TPPP: variants seen among roughly 807,000 people sequenced by gnomAD.
The protein encoded by TPPP is tubulin polymerization promoting protein.
Under a neutral mutation model 15.5 loss-of-function variants are expected in TPPP, and 6 were observed. That is an observed-to-expected ratio of 0.39 (90% CI 0.21 to 0.77). The LOEUF (loss-of-function observed/expected upper bound fraction) is 0.77, where lower values mean the gene tolerates loss of function less well. Among genes scored for constraint, TPPP ranks in the 30% least tolerant of loss-of-function variants. The pLI, the probability that TPPP is intolerant of heterozygous loss-of-function variation, is 0.42. For synonymous variants in TPPP, 146 were observed against 133.9 expected (o/e 1.09, Z -0.63); for missense variants, 269 against 307.2 (o/e 0.88, Z 0.93).
At position 661,753 on chromosome 5, in the gene TPPP, C is replaced by T. The variant is rs1443023443; in HGVS notation, c.*3349G>A. On this transcript the variant is annotated 3_prime_UTR_variant, in exon 4 of 4. Coordinates refer to ENST00000360578, the MANE Select transcript of TPPP (RefSeq NM_007030.3). ...GACAAGTTGTAACTGACAGTGGTGA[C>T]CACTATGTCCTCGTGACTTTATTTT... The T allele has an allele frequency of 6.6e-6, 1 of 152,412 alleles. No homozygotes were observed. The highest frequency in any genetic ancestry group is 1.5e-5 in the Non-Finnish European group (1 of 68,070). 9.4% of individuals were successfully genotyped at this position (152,412 alleles called of 1,614,324 possible). A position where few individuals can be genotyped will look rare whatever the true frequency, so the allele number is the denominator to read the frequency against.
chr5:700,146 G>C, the TPPP span, among the ~76,000 whole-genome samples: 4 of 151,986 alleles, frequency 2.6e-5, no homozygotes, highest in African/African-American at 9.7e-5. Context: ...TGCACTTTAT[G>C]TTTATCACAA....
rs1739690328 is a variant in TPPP at position 662,786 on chromosome 5, AC to A, written c.*2315del. The A allele has an allele frequency of 6.6e-6, 1 of 152,434 alleles. No homozygotes were observed. Among genetic ancestry groups the A allele is most frequent in the Non-Finnish European group, 1.5e-5 (1 of 68,122 alleles). The allele number at this position is 152,434 out of a possible 1,614,324, so 9.4% of individuals were successfully genotyped here. A position where few individuals can be genotyped will look rare whatever the true frequency, so the allele number is the denominator to read the frequency against. ...ACCTGGGGAGCCACCCTGTTTGGTG[AC>A]CACTCGTCCTCGGCCTTTTCAACAC... is the stretch of plus-strand genomic sequence containing the variant. On this transcript the variant is annotated 3_prime_UTR_variant, in exon 4 of 4. Coordinates refer to ENST00000360578, the MANE Select transcript of TPPP (RefSeq NM_007030.3).
chr5:677,008 GCAGAAACGCGCACACGTGCACACA>G (rs1239665027), intron 2 of TPPP, among the ~76,000 whole-genome samples: 2 of 138,724 alleles, frequency 1.4e-5, no homozygotes, highest in Non-Finnish European at 3.2e-5. Flanking sequence ...ACGTGCACAC[GCAGAAACGCGCACACGTGCACACA>G]CGACGCGGAA....
intron 1 of TPPP, among the ~76,000 whole-genome samples, chr5:679,321 T>C (rs1740552534): frequency 1.3e-5 from 2 of 150,140 alleles, no homozygotes; most frequent in South Asian, 4.2e-4. Context: ...CCCCTTTCCC[T>C]GGAAGGCACC....
rs1378536714 is a variant in TPPP, at chr5:665,650, C to A, written c.465+320G>T. Among the ~76,000 whole-genome samples the A allele has an allele frequency of 5.6e-5, 7 of 125,806 alleles. No individual in the cohort carries two copies. The East Asian group carries it at 1.1e-3, about 20-fold the overall frequency. The allele number at this position is 125,806 out of a possible 152,430, so 82.5% of individuals were successfully genotyped here. ...CCCTTCAGACCAAGCCTCCCCAGGA[C>A]CCCCCCAGGCCACGCCGACCTGGCC... On this transcript the variant is annotated intron_variant, in intron 3 of 3. Transcript: ENST00000360578.
At chr5:694,048 TGA>T (rs1253030316), upstream of TPPP, among the ~76,000 whole-genome samples, 70,238 of 116,166 alleles carry the variant, frequency 0.6, 18,632 homozygotes, top group Non-Finnish European at 0.68. Flanking sequence ...CGCGCACCCC[TGA>T]CCCCGGCCTC....
At position 666,402 on chromosome 5, in the gene TPPP, T is replaced by C. The variant is rs1032652649; in HGVS notation, c.312-279A>G. Among the ~76,000 whole-genome samples the C allele has an allele frequency of 3.9e-5, 6 of 152,318 alleles. No homozygotes were observed. The East Asian group carries it at 5.8e-4, about 15-fold the overall frequency. On this transcript the variant is annotated intron_variant, in intron 2 of 3. Coordinates refer to ENST00000360578, the MANE Select transcript of TPPP (RefSeq NM_007030.3). ...CTGCTGGGGCAGTGCCGGAGGCCAT[T>C]AGGCAGCGGAGCCCACCTCCTCCTC...
intron 1 of TPPP, among the ~76,000 whole-genome samples, chr5:693,000 C>A (rs1436032349): frequency 1.4e-4 from 21 of 151,296 alleles, no homozygotes; most frequent in South Asian, 6.3e-4. Flanking sequence ...GGCCCGGAGA[C>A]GGTGACAGAC....
intron 2 of TPPP, among the ~76,000 whole-genome samples, chr5:673,232 C>T (rs985486323): frequency 8.5e-5 from 13 of 152,322 alleles, no homozygotes; most frequent in Admixed American, 2.6e-4. Context: ...GTGTCCCCAA[C>T]GCCTCGTGGT....
intron 2 of TPPP, among the ~76,000 whole-genome samples, chr5:675,516 A>G (rs916669205): frequency 0.019 from 538 of 28,258 alleles, 22 homozygotes; most frequent in African/African-American, 0.095. Context: ...CAGTGTGACC[A>G]GGGGTGCAGT....
intron 2 of TPPP, among the ~76,000 whole-genome samples, chr5:676,914 C>T (rs1339240971): frequency 1.4e-5 from 2 of 147,144 alleles, no homozygotes; most frequent in Non-Finnish European, 3.0e-5. Context: ...CGCGCATACA[C>T]GACGCAGAAA....
At position 692,799 on chromosome 5, in the gene TPPP, ATC is replaced by A. The variant is rs1333348784; in HGVS notation, c.-5+477_-5+478del. The A allele has an allele frequency of 8.0e-5, 76 of 951,146 alleles. 11 individuals are homozygous for A. Among genetic ancestry groups the A allele is most frequent in the African/African-American group, 1.2e-4 (7 of 56,818 alleles). The allele number at this position is 951,146 out of a possible 1,614,324, so 58.9% of individuals were successfully genotyped here. A position where few individuals can be genotyped will look rare whatever the true frequency, so the allele number is the denominator to read the frequency against. On this transcript the variant is annotated intron_variant, in intron 1 of 3. Coordinates refer to ENST00000360578, the MANE Select transcript of TPPP (RefSeq NM_007030.3). The stretch of plus-strand genomic sequence containing the variant: ...AGATGGGCCGTTTCTGTGGCCAGGG[ATC>A]TCTCAAAACCTGCTGCGGGCAGTGA...
At chr5:685,294 C>T (rs540426983) in intron 1 of TPPP, among the ~76,000 whole-genome samples, 110 of 152,340 alleles carry the variant, frequency 7.2e-4, no homozygotes, top group African/African-American at 2.5e-3. Flanking sequence ...CAGAGCCAAG[C>T]CCAGGCTGAG....
Position 682,793 on chromosome 5 carries a change from T to A in TPPP, c.-4-4729A>T, listed in dbSNP as rs688334. ...ACAGAGCCTACACGACTGCTCTCCA[T>A]GTGGATGGCTGTGGGGTGGCTGAGC... On this transcript the variant is annotated intron_variant, in intron 1 of 3. Coordinates refer to ENST00000360578, the MANE Select transcript of TPPP (RefSeq NM_007030.3). Among the ~76,000 whole-genome samples, 747 of 151,354 alleles carry A rather than the reference T, an allele frequency of 4.9e-3. 4 individuals carry two copies. The highest frequency in any genetic ancestry group is 0.034 in the Middle Eastern group (10 of 290).
At position 666,068 on chromosome 5, in the gene TPPP, G is replaced by A; in HGVS notation, c.367C>T (p.Leu123Phe). 6.2e-7 allele frequency: 1 copy of A among 1,612,378 alleles called. No individual in the cohort carries two copies. Among genetic ancestry groups the A allele is most frequent in the Non-Finnish European group, 8.5e-7 (1 of 1,179,814 alleles). The change falls in exon 3 of 4, where the codon CTC becomes TTC. Residue 123 changes from leucine (L) to phenylalanine (F), a missense_variant. Leu to Phe is a conservative substitution (Grantham distance 22, BLOSUM62 0). Transcript: ENST00000360578. Reference sequence around the variant, plus strand: ...TTGTCTTTGAATCGCTTCTTGGCGAGCTCCTCCAGCGCCTCCTGGAACTGC... The same window carrying A: ...TTGTCTTTGAATCGCTTCTTGGCGAACTCCTCCAGCGCCTCCTGGAACTGC... ...FEQFQEALEE[L>F]AKKRFKDKSS...
intron 1 of TPPP, among the ~76,000 whole-genome samples, chr5:682,030 C>T (rs189464044): frequency 0.019 from 2,845 of 151,446 alleles, 57 homozygotes; most frequent in African/African-American, 0.066. Context: ...CACGGAAAAT[C>T]ACCTGGGCCC....
At chr5:679,649 TGGGTGTGC>T (rs1740567587) in intron 1 of TPPP, among the ~76,000 whole-genome samples, 1 of 146,050 alleles carries the variant, frequency 6.8e-6, no homozygotes, top group Non-Finnish European at 1.5e-5. Flanking sequence ...AGAACAGTGG[TGGGTGTGC>T]GGGTCAGAGA....
At chr5:693,965 C>T (rs1740969305), upstream of TPPP, among the ~76,000 whole-genome samples, 1 of 147,250 alleles carries the variant, frequency 6.8e-6, no homozygotes, top group African/African-American at 2.5e-5. Flanking sequence ...AGCAGGGAGA[C>T]GGGTCCGTGC....
At chr5:684,429 G>C (rs1009591381) in intron 1 of TPPP, among the ~76,000 whole-genome samples, 2 of 152,196 alleles carry the variant, frequency 1.3e-5, no homozygotes, top group African/African-American at 4.8e-5. Context: ...ATTCAGCCTG[G>C]ACAGCTCTCG....
Sources: gnomAD v4.1 joint callset for allele counts (sites outside exome capture counted in the v4.1 genomes callset) on GRCh38, gnomAD v4.1.1 for gene constraint, MANE v1.5 for transcripts, NCBI Gene and HGNC (gene_info 2026-07-23, HGNC 2026-07-21) for gene names.